Variants in ADD1 observed in about 807,000 individuals in gnomAD.
ADD1 encodes alpha-adducin.
A neutral mutation model predicts 80.5 loss-of-function variants in ADD1; 24 were observed. That is an observed-to-expected ratio of 0.30 (90% CI 0.22 to 0.42). The LOEUF (loss-of-function observed/expected upper bound fraction) is 0.42. ADD1 is among the 10% of genes least tolerant of loss of function. ADD1 has a pLI of 1.00. For synonymous variants in ADD1, 373 were observed against 393.8 expected (o/e 0.95, Z 0.63); for missense variants, 948 against 1,019.0 (o/e 0.93, Z 0.95).
intron 14 of ADD1, among the ~76,000 whole-genome samples, chr4:2,919,926 A>T (rs1739718391): frequency 6.6e-6 from 1 of 151,896 alleles, no homozygotes; most frequent in African/African-American, 2.4e-5. Flanking sequence ...TTTAATTATG[A>T]TGTTAGGATG....
chr4:2,864,902 T>C (rs1384051684), intron 1 of ADD1, among the ~76,000 whole-genome samples: 1 of 152,212 alleles, frequency 6.6e-6, no homozygotes, highest in East Asian at 1.9e-4. Flanking sequence ...CTCACTTGTT[T>C]TATTTTTCAA....
intron 14 of ADD1, among the ~76,000 whole-genome samples, chr4:2,915,669 C>T (rs572115892): frequency 2.0e-5 from 3 of 151,884 alleles, no homozygotes; most frequent in African/African-American, 7.3e-5. Flanking sequence ...CATACAAATA[C>T]AAAATTAGCC....
chr4:2,880,089 A>G (rs1330135521), intron 2 of ADD1, among the ~76,000 whole-genome samples: 1 of 151,958 alleles, frequency 6.6e-6, no homozygotes, highest in Admixed American at 6.6e-5. Context: ...CTAAATAATC[A>G]CCATGTTTTG....
At chr4:2,907,310 T>C (rs1216656576) in intron 10 of ADD1, 3 of 163,756 alleles carry the variant, frequency 1.8e-5, no homozygotes, top group Admixed American at 1.2e-4. Flanking sequence ...TGCAGGCTCC[T>C]CCCTAACCCT....
intron 10 of ADD1, chr4:2,905,661 C>T (rs1204190590): frequency 6.3e-6 from 1 of 159,794 alleles, no homozygotes; most frequent in African/African-American, 2.4e-5. Flanking sequence ...CAGCTGCCCT[C>T]TGCATGGACT....
intron 1 of ADD1, among the ~76,000 whole-genome samples, chr4:2,851,561 G>C (rs905207017): frequency 1.3e-5 from 2 of 152,190 alleles, no homozygotes; most frequent in African/African-American, 4.8e-5. Flanking sequence ...TGATACAGCT[G>C]CATGTGTTTG....
At chr4:2,897,927 CT>C (rs1272739081) in intron 6 of ADD1, among the ~76,000 whole-genome samples, 1 of 152,106 alleles carries the variant, frequency 6.6e-6, no homozygotes, top group Non-Finnish European at 1.5e-5. Flanking sequence ...TTACATAGCA[CT>C]TATATCAGTG....
At chr4:2,859,513 A>G (rs1371183771) in intron 1 of ADD1, among the ~76,000 whole-genome samples, 3 of 152,368 alleles carry the variant, frequency 2.0e-5, no homozygotes, top group East Asian at 1.9e-4. Context: ...AAATAAGCAT[A>G]TAAAAAAATT....
chr4:2,852,185 TCTTTCTTTCTTTCCTTTCTTTC>T (rs1727248262), intron 1 of ADD1, among the ~76,000 whole-genome samples: 1 of 45,888 alleles, frequency 2.2e-5, no homozygotes, highest in Non-Finnish European at 4.5e-5. Flanking sequence ...TTTCTTTCTT[TCTTTCTTTCTTTCCTTTCTTTC>T]CTTTCCTTTC....
At chr4:2,910,074 C>G (rs984469470) in intron 13 of ADD1, among the ~76,000 whole-genome samples, 3 of 145,834 alleles carry the variant, frequency 2.1e-5, no homozygotes, top group African/African-American at 7.7e-5. Context: ...GTGCGGGCAT[C>G]TAGTATGTGG....
At chr4:2,917,442 A>G (rs999855928) in intron 14 of ADD1, among the ~76,000 whole-genome samples, 1 of 152,124 alleles carries the variant, frequency 6.6e-6, no homozygotes, top group African/African-American at 2.4e-5. Flanking sequence ...CCTTTGTCAG[A>G]TGGATAGATT....
intron 3 of ADD1, 108 bp from the exon 4 acceptor site, chr4:2,884,407 C>A: frequency 1.2e-6 from 1 of 845,830 alleles, no homozygotes; most frequent in Non-Finnish European, 1.8e-6. Flanking sequence ...AGCACTACAG[C>A]CTCAAACTCA....
intron 14 of ADD1, among the ~76,000 whole-genome samples, chr4:2,921,662 G>A (rs759844681): frequency 2.6e-5 from 4 of 152,002 alleles, no homozygotes; most frequent in Non-Finnish European, 5.9e-5. Flanking sequence ...TCTGTATTTC[G>A]TGAATTTGAA....
chr4:2,847,572 G>A (rs867679811), intron 1 of ADD1, among the ~76,000 whole-genome samples: 2 of 152,268 alleles, frequency 1.3e-5, no homozygotes, highest in South Asian at 2.1e-4. Context: ...CGTGAACCTC[G>A]AAAATTTGAG....
intron 6 of ADD1, among the ~76,000 whole-genome samples, chr4:2,897,410 A>G (rs910278784): frequency 1.3e-5 from 2 of 148,796 alleles, no homozygotes; most frequent in Admixed American, 1.3e-4. Context: ...TAAATTGTAT[A>G]TATATAATTA....
chr4:2,877,951 A>C (rs1043588908), intron 2 of ADD1, among the ~76,000 whole-genome samples: 33 of 152,140 alleles, frequency 2.2e-4, no homozygotes, highest in Admixed American at 1.6e-3. Context: ...TGGGTGACAG[A>C]GTGAGACCCT....
intron 13 of ADD1, among the ~76,000 whole-genome samples, chr4:2,909,725 G>A (rs780181782): frequency 3.3e-5 from 5 of 152,070 alleles, no homozygotes; most frequent in Non-Finnish European, 5.9e-5. Flanking sequence ...TGGTCAGTGC[G>A]TGTTTTGGGT....
chr4:2,873,130 T>G (rs1730718973), intron 1 of ADD1, among the ~76,000 whole-genome samples: 1 of 152,096 alleles, frequency 6.6e-6, no homozygotes, highest in Non-Finnish European at 1.5e-5. Flanking sequence ...GTAGCTGAGA[T>G]TACAGGTGCG....
chr4:2,852,603 A>C (rs1210782515), intron 1 of ADD1, among the ~76,000 whole-genome samples: 1 of 151,776 alleles, frequency 6.6e-6, no homozygotes, highest in Non-Finnish European at 1.5e-5. Context: ...CAGAATCACC[A>C]GCAATGTCAC....
Sources: gnomAD v4.1 joint callset for allele counts (sites outside exome capture counted in the v4.1 genomes callset) on GRCh38, gnomAD v4.1.1 for gene constraint, MANE v1.5 for transcripts, NCBI Gene and HGNC (gene_info 2026-07-23, HGNC 2026-07-21) for gene names.